CD99: variants seen among roughly 807,000 people sequenced by gnomAD.
CD99 encodes CD99 molecule (Xg blood group).
Under a neutral mutation model 28.4 loss-of-function variants are expected in CD99, and 19 were observed. The observed-to-expected ratio is 0.67, with a 90% CI of 0.47 to 0.98. CD99 has a LOEUF of 0.98. Among genes scored for constraint, CD99 ranks in the 50% least tolerant of loss-of-function variants. The pLI is 0.00. For missense variants in CD99, 283 were observed against 248.8 expected, an observed-to-expected ratio of 1.14 and a Z score of -0.92; for synonymous variants, 103 against 92.1, an observed-to-expected ratio of 1.12 and a Z score of -0.67.
intron 1 of CD99, among the ~76,000 whole-genome samples, chrX:2,700,082 G>A (rs1271611466): frequency 6.6e-6 from 1 of 152,198 alleles, no homozygotes; most frequent in African/African-American, 2.4e-5. Context: ...TTGGTGGTGA[G>A]ACGTGGGCAC....
At chrX:2,736,180 C>T (rs1362054614) in intron 8 of CD99, among the ~76,000 whole-genome samples, 5 of 142,292 alleles carry the variant, frequency 3.5e-5, no homozygotes, top group Admixed American at 7.3e-5. Flanking sequence ...CCAGCCTGGG[C>T]GACAGAGCAA....
chrX:2,717,361 A>G lies in CD99; in HGVS notation c.101-244A>G, dbSNP rs981615684. On this transcript the variant is annotated intron_variant, in intron 2 of 9. Coordinates refer to ENST00000381192, the MANE Select transcript of CD99 (RefSeq NM_002414.5). The stretch of plus-strand genomic sequence containing the variant: ...AGACTTGGTCTCAAAAAAAAAAAAA[A>G]AAGAAGTGGAGAAGGGGCTCCTGGT... 55 of 500,676 alleles carry G rather than the reference A, an allele frequency of 1.1e-4. No individual in the cohort carries two copies. The East Asian group carries it at 1.3e-3, about 12-fold the overall frequency. 31.0% of individuals were successfully genotyped at this position (500,676 alleles called of 1,614,324 possible).
At chrX:2,730,266 G>A (rs186322564) in intron 8 of CD99, among the ~76,000 whole-genome samples, 4,745 of 151,218 alleles carry the variant, frequency 0.031, 268 homozygotes, top group African/African-American at 0.11. Flanking sequence ...TCTGCCTCCC[G>A]GGTTCAAGCG....
intron 1 of CD99, among the ~76,000 whole-genome samples, chrX:2,703,358 G>A (rs2047958797): frequency 6.6e-6 from 1 of 152,068 alleles, no homozygotes; most frequent in Non-Finnish European, 1.5e-5. Flanking sequence ...ATTTAGGCAC[G>A]AGTTATAGTG....
rs182590720 is a variant in CD99, at chrX:2,698,953, A to G, written c.67+7526A>G. ...AATTTTTTTTTTTTTTTGAGACAAG[A>G]TTTTGCTCTGTCACCCAGGCTGGAG... On this transcript the variant is annotated intron_variant, in intron 1 of 9. Transcript: ENST00000381192. 2.3e-3 allele frequency among the ~76,000 whole-genome samples: 334 copies of G among 147,116 alleles called. 1 individual carries two copies. Among genetic ancestry groups the G allele is most frequent in the Non-Finnish European group, 3.4e-3 (227 of 66,646 alleles).
At chrX:2,725,472 C>T (rs2049227110) in intron 7 of CD99, among the ~76,000 whole-genome samples, 1 of 152,172 alleles carries the variant, frequency 6.6e-6, no homozygotes, top group African/African-American at 2.4e-5. Context: ...CCAAAGCTAT[C>T]TTCAAGGGGT....
intron 1 of CD99, among the ~76,000 whole-genome samples, chrX:2,693,463 C>T (rs1368176181): frequency 6.6e-6 from 1 of 152,108 alleles, no homozygotes; most frequent in Non-Finnish European, 1.5e-5. Context: ...CGCTTCTCAC[C>T]CCTTCTTTGC....
chrX:2,709,593 T>C (rs958138464), intron 1 of CD99, among the ~76,000 whole-genome samples: 2 of 152,192 alleles, frequency 1.3e-5, no homozygotes, highest in Admixed American at 6.5e-5. Flanking sequence ...CACACATACG[T>C]GCAGGAGCAC....
intron 1 of CD99, among the ~76,000 whole-genome samples, chrX:2,706,760 GTTATTC>G (rs1313994615): frequency 6.6e-6 from 1 of 152,046 alleles, no homozygotes; most frequent in African/African-American, 2.4e-5. Flanking sequence ...TAATGATTGT[GTTATTC>G]TTATGAAAAT....
intron 9 of CD99, among the ~76,000 whole-genome samples, chrX:2,740,095 A>AAAT (rs201441438): frequency 4.0e-5 from 6 of 150,840 alleles, no homozygotes; most frequent in East Asian, 4.0e-4. Context: ...TCTGTCTCAA[A>AAAT]AATAATAATA....
At chrX:2,731,194 C>T (rs1410271452) in intron 8 of CD99, among the ~76,000 whole-genome samples, 2 of 152,110 alleles carry the variant, frequency 1.3e-5, no homozygotes, top group African/African-American at 4.8e-5. Context: ...TTTATGGGTT[C>T]GATTTCCGGG....
intron 1 of CD99, among the ~76,000 whole-genome samples, chrX:2,706,292 A>G (rs1336953625): frequency 1.3e-5 from 2 of 152,212 alleles, no homozygotes; most frequent in East Asian, 1.9e-4. Flanking sequence ...CCCGGGAGGC[A>G]TAGCTTGCAG....
intron 8 of CD99, among the ~76,000 whole-genome samples, chrX:2,736,622 C>T (rs1390554902): frequency 6.6e-6 from 1 of 151,936 alleles, no homozygotes; most frequent in Non-Finnish European, 1.5e-5. Flanking sequence ...CTTTGAGAGG[C>T]CGAGGTGGGC....
Position 2,736,610 on chromosome X carries a change from T to C in CD99, c.476-1590T>C, listed in dbSNP as rs185431957. 1.2e-3 allele frequency among the ~76,000 whole-genome samples: 182 copies of C among 151,692 alleles called. 2 individuals are homozygous for C. In the East Asian group the frequency reaches 0.018, roughly 15 times the overall value. ...TGGTGGCTCAGGCCTGTAATCCCAG[T>C]ACTTTGAGAGGCCGAGGTGGGCGGA... On this transcript the variant is annotated intron_variant, in intron 8 of 9. Coordinates refer to ENST00000381192, the MANE Select transcript of CD99 (RefSeq NM_002414.5).
chrX:2,693,921 G>A (rs191492291), intron 1 of CD99, among the ~76,000 whole-genome samples: 2 of 152,324 alleles, frequency 1.3e-5, no homozygotes, highest in Admixed American at 6.5e-5. Flanking sequence ...GCAGCTTAGG[G>A]AAGCTGCTCA....
At chrX:2,706,092 G>A (rs1347315335) in intron 1 of CD99, among the ~76,000 whole-genome samples, 1 of 151,752 alleles carries the variant, frequency 6.6e-6, no homozygotes, top group Non-Finnish European at 1.5e-5. Flanking sequence ...GGGCGCGGTG[G>A]CTCACGCCTG....
At chrX:2,738,067 G>T (rs756106202) in intron 8 of CD99, 133 bp from the exon 9 acceptor site, 1 of 823,882 alleles carries the variant, frequency 1.2e-6, no homozygotes, top group Non-Finnish European at 2.2e-6. Context: ...GGGTCTCGGG[G>T]TTCAGAACTG....
intron 8 of CD99, among the ~76,000 whole-genome samples, chrX:2,735,860 A>G (rs2049903149): frequency 6.6e-6 from 1 of 152,112 alleles, no homozygotes; most frequent in Admixed American, 6.6e-5. Context: ...GAAACTGTGG[A>G]GTTCACGTAG....
At chrX:2,699,050 G>A (rs1015881988) in intron 1 of CD99, among the ~76,000 whole-genome samples, 3 of 151,242 alleles carry the variant, frequency 2.0e-5, no homozygotes, top group Non-Finnish European at 2.9e-5. Context: ...CCTCAGCCTC[G>A]AAAGAAGCTG....
Sources: gnomAD v4.1 joint callset for allele counts (sites outside exome capture counted in the v4.1 genomes callset) on GRCh38, gnomAD v4.1.1 for gene constraint, MANE v1.5 for transcripts, NCBI Gene and HGNC (gene_info 2026-07-23, HGNC 2026-07-21) for gene names.